Variants in ZNF608 observed in about 807,000 individuals in gnomAD.
The protein encoded by ZNF608 is renal carcinoma antigen NY-REN-36.
A neutral mutation model predicts 109.0 loss-of-function variants in ZNF608; 12 were observed. The ratio of observed to expected loss-of-function variants is 0.11; its 90% CI spans 0.07 to 0.18. The LOEUF is 0.18. Among genes scored for constraint, ZNF608 ranks in the 10% least tolerant of loss-of-function variants. The pLI is 1.00. For missense variants in ZNF608, 1,707 were observed against 1,879.3 expected, an observed-to-expected ratio of 0.91 and a Z score of 1.70; for synonymous variants, 732 against 717.4, an observed-to-expected ratio of 1.02 and a Z score of -0.33.
At chr5:124,650,312 G>A (rs1029112569) in intron 3 of ZNF608, among the ~76,000 whole-genome samples, 17 of 152,154 alleles carry the variant, frequency 1.1e-4, no homozygotes, top group African/African-American at 4.1e-4. Flanking sequence ...ATCAGCCTGG[G>A]TACCGTATCT....
At chr5:124,728,199 T>C (rs950611807) in intron 2 of ZNF608, among the ~76,000 whole-genome samples, 2 of 152,146 alleles carry the variant, frequency 1.3e-5, no homozygotes, top group African/African-American at 4.8e-5. Flanking sequence ...ATTCCATACC[T>C]TGGTCTTGAA....
rs540969397 is a variant in ZNF608 at position 124,673,489 on chromosome 5, A to G, written c.1163-23792T>C. On this transcript the variant is annotated intron_variant, in intron 3 of 9. Coordinates refer to ENST00000513986, the MANE Select transcript of ZNF608 (RefSeq NM_020747.3). Reference sequence around the variant, plus strand: ...TTTAATTTATTTCCTAGTAAAAAAAATGTATAAACATTCTTACACAATGCT... The same window carrying G: ...TTTAATTTATTTCCTAGTAAAAAAAGTGTATAAACATTCTTACACAATGCT... 1.2e-4 allele frequency among the ~76,000 whole-genome samples: 18 copies of G among 152,330 alleles called. No individual in the cohort carries two copies. The South Asian group carries it at 3.5e-3, about 30-fold the overall frequency.
intron 6 of ZNF608, 85 bp downstream of exon 6, chr5:124,644,159 G>T: frequency 1.6e-6 from 2 of 1,237,654 alleles, no homozygotes; most frequent in Admixed American, 2.6e-5. Context: ...CACTCTTGAA[G>T]CTTCTAATTT....
chr5:124,700,027 C>G (rs750006450), intron 3 of ZNF608, among the ~76,000 whole-genome samples: 3 of 152,144 alleles, frequency 2.0e-5, no homozygotes, highest in Non-Finnish European at 2.9e-5. Flanking sequence ...TGGCAAATGA[C>G]CATGATATCA....
At position 124,641,399 on chromosome 5, in the gene ZNF608, C is replaced by G; in HGVS notation, c.4303G>C (p.Glu1435Gln). 1 of 1,609,782 alleles carries G rather than the reference C, an allele frequency of 6.2e-7. No individual in the cohort carries two copies. Among genetic ancestry groups the G allele is most frequent in the Non-Finnish European group, 8.5e-7 (1 of 1,177,008 alleles). ...CGTTCCCGCTCAGCTGTAGCCTTTT[C>G]CACAGGCTGCAACAGAAAAGAGAAA... The part of the protein sequence containing the change: ...QYRSKSPAPV[E>Q]KATAEREREA... The change falls in exon 8 of 10, where the codon GAA becomes CAA. Residue 1435 changes from glutamate (E) to glutamine (Q), a missense_variant. Coordinates refer to ENST00000513986, the MANE Select transcript of ZNF608 (RefSeq NM_020747.3).
intron 2 of ZNF608, among the ~76,000 whole-genome samples, chr5:124,728,534 A>C (rs1173783832): frequency 6.6e-6 from 1 of 152,126 alleles, no homozygotes; most frequent in Non-Finnish European, 1.5e-5. Context: ...ATTTTCCATA[A>C]TCTGAAAATC....
chr5:124,721,941 CAAAAAAAAAAAAAAA>C (rs199699487), intron 2 of ZNF608, among the ~76,000 whole-genome samples: 660 of 20,834 alleles, frequency 0.032, 43 homozygotes, highest in East Asian at 0.17. Flanking sequence ...GACTCTGTCT[CAAAAAAAAAAAAAAA>C]AAAAAAAAAA....
chr5:124,655,249 C>A (rs1271153516), intron 3 of ZNF608, among the ~76,000 whole-genome samples: 3 of 152,232 alleles, frequency 2.0e-5, no homozygotes, highest in Non-Finnish European at 4.4e-5. Flanking sequence ...ATTATTATTT[C>A]TGGTATTTGT....
intron 3 of ZNF608, among the ~76,000 whole-genome samples, chr5:124,673,255 C>T (rs73296654): frequency 0.26 from 39,756 of 151,748 alleles, 6,004 homozygotes; most frequent in African/African-American, 0.41. Flanking sequence ...GAACTTTCTC[C>T]TACAAGAGAT....
chr5:124,663,924 A>T (rs944509017), intron 3 of ZNF608, among the ~76,000 whole-genome samples: 2 of 152,238 alleles, frequency 1.3e-5, no homozygotes, highest in African/African-American at 4.8e-5. Context: ...AGAGAGAATT[A>T]GATCAAGGAA....
At chr5:124,743,652 C>T (rs1370680243) in intron 2 of ZNF608, among the ~76,000 whole-genome samples, 9 of 152,278 alleles carry the variant, frequency 5.9e-5, no homozygotes, top group South Asian at 4.1e-4. Context: ...ACACATTACC[C>T]GCAATACTAG....
At chr5:124,735,605 G>A (rs1749109446) in intron 2 of ZNF608, among the ~76,000 whole-genome samples, 2 of 152,244 alleles carry the variant, frequency 1.3e-5, no homozygotes, top group African/African-American at 4.8e-5. Flanking sequence ...GAAGGGGAGA[G>A]CAAAAGAAAG....
At chr5:124,698,303 G>C (rs1263944333) in intron 3 of ZNF608, among the ~76,000 whole-genome samples, 1 of 152,204 alleles carries the variant, frequency 6.6e-6, no homozygotes, top group African/African-American at 2.4e-5. Context: ...CAAATGGAAC[G>C]CTCTTGCAAA....
At chr5:124,685,318 C>T (rs914567550) in intron 3 of ZNF608, among the ~76,000 whole-genome samples, 5 of 151,584 alleles carry the variant, frequency 3.3e-5, no homozygotes, top group African/African-American at 4.9e-5. Flanking sequence ...CATTAATGAT[C>T]GGAATGAAAT....
At chr5:124,714,196 T>C (rs1753606603) in intron 2 of ZNF608, among the ~76,000 whole-genome samples, 1 of 152,230 alleles carries the variant, frequency 6.6e-6, no homozygotes, top group Non-Finnish European at 1.5e-5. Context: ...ACAACCATCC[T>C]ATGTAATTGC....
chr5:124,730,186 G>C (rs1748826064), intron 2 of ZNF608, among the ~76,000 whole-genome samples: 1 of 152,190 alleles, frequency 6.6e-6, no homozygotes, highest in African/African-American at 2.4e-5. Flanking sequence ...CAAGTGATTT[G>C]AAGAGATCTG....
intron 3 of ZNF608, among the ~76,000 whole-genome samples, chr5:124,670,436 T>C (rs1326550430): frequency 1.3e-5 from 2 of 152,020 alleles, no homozygotes; most frequent in South Asian, 2.1e-4. Context: ...TGTGCTATTT[T>C]ACCAGAAGTC....
intron 3 of ZNF608, among the ~76,000 whole-genome samples, chr5:124,690,694 AAC>A (rs761735934): frequency 2.0e-5 from 3 of 146,534 alleles, no homozygotes; most frequent in Non-Finnish European, 3.1e-5. Flanking sequence ...CAAAAACACA[AAC>A]AAAAAAAACC....
chr5:124,684,679 G>A lies in ZNF608; in HGVS notation c.1162+16335C>T, dbSNP rs146476772. On this transcript the variant is annotated intron_variant, in intron 3 of 9. Transcript: ENST00000513986. ...CAAATGGGCGTAGTGGGAAGTGAGA[G>A]TTCCCAACAGAAGCTCACCACTTAG... 2.7e-3 allele frequency among the ~76,000 whole-genome samples: 406 copies of A among 152,300 alleles called. 1 individual carries two copies. Among genetic ancestry groups the A allele is most frequent in the African/African-American group, 9.2e-3 (384 of 41,568 alleles).
Sources: allele counts gnomAD v4.1 joint callset (sites outside exome capture counted in the v4.1 genomes callset), GRCh38; gene constraint gnomAD v4.1.1; transcripts MANE v1.5; gene names NCBI Gene and HGNC (gene_info 2026-07-23, HGNC 2026-07-21).